TIAM2: variants seen among roughly 807,000 people sequenced by gnomAD.
TIAM2 encodes rho guanine nucleotide exchange factor TIAM2.
In TIAM2, 80 loss-of-function variants were observed where a neutral mutation model predicts 152.9. That is an observed-to-expected ratio of 0.52 (90% CI 0.44 to 0.63). The LOEUF (loss-of-function observed/expected upper bound fraction) is 0.63, where lower values mean the gene tolerates loss of function less well. TIAM2 is among the 30% of genes least tolerant of loss of function. TIAM2 has a pLI of 0.00. For missense variants in TIAM2, 1,965 were observed against 2,120.1 expected (o/e 0.93, Z 1.44); for synonymous variants, 804 against 838.0 (o/e 0.96, Z 0.70).
chr6:155,042,485 C>G (rs529859187), intron 1 of TIAM2, among the ~76,000 whole-genome samples: 2 of 152,190 alleles, frequency 1.3e-5, no homozygotes, highest in African/African-American at 2.4e-5. Context: ...CCAGCTTACT[C>G]GGGAGGCTGA....
intron 1 of TIAM2, among the ~76,000 whole-genome samples, chr6:155,076,606 G>A (rs1420359713): frequency 6.6e-6 from 1 of 152,168 alleles, no homozygotes; most frequent in African/African-American, 2.4e-5. Flanking sequence ...GGACAACTAG[G>A]AGAACAGCAA....
intron 1 of TIAM2, among the ~76,000 whole-genome samples, chr6:155,066,225 C>G (rs1451475770): frequency 2.4e-5 from 1 of 41,108 alleles, no homozygotes; most frequent in East Asian, 1.1e-3. Context: ...CCGTGCCTGG[C>G]CCAGACATTT....
chr6:155,137,060 A>T, intron 4 of TIAM2, 117 bp from the exon 5 acceptor site: 2 of 1,099,650 alleles, frequency 1.8e-6, no homozygotes, highest in South Asian at 1.7e-5. Flanking sequence ...TTGTTACAAG[A>T]ATCTTGCTTT....
intron 2 of TIAM2, among the ~76,000 whole-genome samples, chr6:155,114,508 C>A (rs1317222342): frequency 6.6e-6 from 1 of 151,952 alleles, no homozygotes; most frequent in Non-Finnish European, 1.5e-5. Flanking sequence ...ACCCCCACAG[C>A]CATTTGGAGG....
chr6:155,017,153 G>A (rs1437785950), intron 1 of TIAM2, among the ~76,000 whole-genome samples: 2 of 152,198 alleles, frequency 1.3e-5, no homozygotes, highest in Admixed American at 1.3e-4. Flanking sequence ...TTGAAAGGCA[G>A]TCTCCCGAGG....
rs201979145 is a variant in TIAM2, at chr6:155,256,830, C to T, written c.4815C>T (p.Pro1605=). ...LRISEDPDVH[P]EAEQQPGPES... is the part of the protein sequence containing the mutation. ...TTTCCGAGGACCCAGACGTTCACCC[C>T]GAGGCTGAGCAGCAGCCTGGCCCGG... Residue 1605 remains proline (P), a synonymous_variant, in exon 27 of 27, where the codon CCC becomes CCT. Coordinates refer to ENST00000682666, the MANE Select transcript of TIAM2 (RefSeq NM_012454.4). The T allele has an allele frequency of 3.1e-5, 50 of 1,614,170 alleles. No homozygotes were observed. Among genetic ancestry groups the T allele is most frequent in the East Asian group, 1.8e-4 (8 of 44,876 alleles).
chr6:155,104,558 C>G (rs989092168), intron 2 of TIAM2, among the ~76,000 whole-genome samples: 1 of 152,006 alleles, frequency 6.6e-6, no homozygotes, highest in Non-Finnish European at 1.5e-5. Context: ...GAGATCGAGA[C>G]CATCCTGGCT....
chr6:155,210,084 A>G (rs1208741267), intron 14 of TIAM2, among the ~76,000 whole-genome samples: 1 of 152,192 alleles, frequency 6.6e-6, no homozygotes, highest in Non-Finnish European at 1.5e-5. Context: ...CAAGAATTAC[A>G]ATGAAAACTT....
At chr6:155,069,555 T>C (rs754934483) in intron 1 of TIAM2, among the ~76,000 whole-genome samples, 26 of 152,222 alleles carry the variant, frequency 1.7e-4, no homozygotes, top group Admixed American at 5.2e-4. Flanking sequence ...TATAATCATC[T>C]GTATCTGTTT....
At chr6:155,210,114 G>A (rs903510159) in intron 14 of TIAM2, among the ~76,000 whole-genome samples, 1 of 152,182 alleles carries the variant, frequency 6.6e-6, no homozygotes, top group African/African-American at 2.4e-5. Flanking sequence ...TTTGATAGAG[G>A]CTGGTCTTTC....
At chr6:155,250,701 C>A in intron 21 of TIAM2, 3 of 1,344,250 alleles carry the variant, frequency 2.2e-6, no homozygotes, top group Non-Finnish European at 2.0e-6. Flanking sequence ...GAGCAAAATG[C>A]CTTCACCTTT....
intron 1 of TIAM2, among the ~76,000 whole-genome samples, chr6:155,057,116 C>T (rs1269118741): frequency 1.4e-5 from 2 of 145,290 alleles, no homozygotes. Context: ...GCATCCTCTG[C>T]CCCCCAGGTT....
chr6:155,125,125 G>C (rs1026735377), intron 2 of TIAM2, among the ~76,000 whole-genome samples: 1 of 151,986 alleles, frequency 6.6e-6, no homozygotes, highest in Non-Finnish European at 1.5e-5. Flanking sequence ...ACAAAAATTA[G>C]CTGGGTGTGG....
chr6:155,035,478 C>T (rs1182506599), intron 1 of TIAM2, among the ~76,000 whole-genome samples: 1 of 152,124 alleles, frequency 6.6e-6, no homozygotes, highest in Non-Finnish European at 1.5e-5. Context: ...GTTTTAGCCT[C>T]CCAAAGTTTG....
chr6:155,144,804 G>GGT, intron 6 of TIAM2, 26 bp downstream of exon 6: 1 of 1,588,460 alleles, frequency 6.3e-7, no homozygotes, highest in Non-Finnish European at 8.5e-7. Flanking sequence ...TGTAAGTGGA[G>GGT]GTAATAGCTT....
intron 1 of TIAM2, among the ~76,000 whole-genome samples, chr6:155,027,204 T>G (rs1034733624): frequency 6.6e-6 from 1 of 151,552 alleles, no homozygotes; most frequent in Admixed American, 6.6e-5. Flanking sequence ...TTTTTCTGTT[T>G]TAATAGAGAC....
Position 155,114,334 on chromosome 6 carries a change from C to T in TIAM2, c.-117-13156C>T, listed in dbSNP as rs150535468. 6.9e-3 allele frequency among the ~76,000 whole-genome samples: 1,055 copies of T among 151,874 alleles called. 21 individuals are homozygous for T. Among genetic ancestry groups the T allele is most frequent in the African/African-American group, 0.024 (992 of 41,406 alleles). On this transcript the variant is annotated intron_variant, in intron 2 of 26. Transcript: ENST00000682666. ...CCTCCCAAAGTGTTGGGATTACAGG[C>T]GTGAGCCACCGTGCCCTGCCATGAT...
chr6:155,088,055 T>TC (rs1327598282), intron 1 of TIAM2, among the ~76,000 whole-genome samples: 8 of 146,856 alleles, frequency 5.4e-5, no homozygotes, highest in Non-Finnish European at 1.2e-4. Flanking sequence ...TTTCTTTCTT[T>TC]TTTTTTTTTT....
intron 12 of TIAM2, among the ~76,000 whole-genome samples, chr6:155,179,717 T>C (rs1001572729): frequency 6.6e-6 from 1 of 152,194 alleles, no homozygotes; most frequent in African/African-American, 2.4e-5. Flanking sequence ...AAAATATAGA[T>C]TAATAACACA....
Sources: gnomAD v4.1 joint callset for allele counts (sites outside exome capture counted in the v4.1 genomes callset) on GRCh38, gnomAD v4.1.1 for gene constraint, MANE v1.5 for transcripts, NCBI Gene and HGNC (gene_info 2026-07-23, HGNC 2026-07-21) for gene names.